PTPRM: variants seen among roughly 807,000 people sequenced by gnomAD.
PTPRM encodes the protein protein tyrosine phosphatase receptor type M.
PTPRM carries 47 observed loss-of-function variants against 186.7 expected under a neutral mutation model. That is an observed-to-expected ratio of 0.25 (90% CI 0.20 to 0.32). PTPRM has a LOEUF of 0.32. PTPRM is among the 10% of genes least tolerant of loss of function. The pLI, the probability that PTPRM is intolerant of heterozygous loss-of-function variation, is 1.00. For missense variants in PTPRM, 1,494 were observed against 1,865.0 expected, an observed-to-expected ratio of 0.80 and a Z score of 3.66; for synonymous variants, 668 against 674.9, an observed-to-expected ratio of 0.99 and a Z score of 0.16.
At chr18:7,826,327 T>C (rs1442334197) in intron 2 of PTPRM, among the ~76,000 whole-genome samples, 2 of 152,250 alleles carry the variant, frequency 1.3e-5, no homozygotes. Flanking sequence ...GCTTTGGGAA[T>C]GTCCCCTATT....
At chr18:7,958,409 A>G (rs867879920) in intron 7 of PTPRM, among the ~76,000 whole-genome samples, 11 of 152,254 alleles carry the variant, frequency 7.2e-5, no homozygotes, top group Middle Eastern at 3.4e-3. Flanking sequence ...AGGATAGGAA[A>G]GGATGTGGAA....
At chr18:7,870,740 G>A (rs1043942683) in intron 2 of PTPRM, among the ~76,000 whole-genome samples, 2 of 151,736 alleles carry the variant, frequency 1.3e-5, no homozygotes, top group African/African-American at 4.8e-5. Context: ...TTTCCTCAAC[G>A]ATTTAAAAAT....
chr18:7,983,596 G>A (rs1327869881), intron 7 of PTPRM, among the ~76,000 whole-genome samples: 2 of 151,566 alleles, frequency 1.3e-5, no homozygotes, highest in African/African-American at 4.8e-5. Context: ...TTTTTCTCTT[G>A]TGCGCTATTG....
intron 1 of PTPRM, among the ~76,000 whole-genome samples, chr18:7,731,121 C>G (rs2040650053): frequency 6.6e-6 from 1 of 152,328 alleles, no homozygotes; most frequent in Middle Eastern, 3.4e-3. Flanking sequence ...TTTTATCTTA[C>G]AGGGTTTGCA....
Position 8,085,738 on chromosome 18 carries a change from C to G in PTPRM, c.1619C>G (p.Ser540Ter). The change falls in exon 10 of 33, where the codon TCA becomes TGA. Residue 540 changes from serine to a stop codon, truncating the protein, a stop_gained. Transcript: ENST00000580170. LOFTEE classifies it high-confidence loss of function. ...TTATCCAATCAGAGTGGAAGAGTTT[C>G]AAAGCTGGGAAATGAAACCCATTTT... The part of the protein sequence containing the change: ...IDLSNQSGRV[S>*]KLGNETHFLF... 1 of 1,612,162 alleles carries G rather than the reference C, an allele frequency of 6.2e-7. No individual in the cohort carries two copies. Among genetic ancestry groups the G allele is most frequent in the Non-Finnish European group, 8.5e-7 (1 of 1,178,390 alleles).
chr18:7,884,581 T>G (rs1324937748), intron 2 of PTPRM, among the ~76,000 whole-genome samples: 1 of 152,102 alleles, frequency 6.6e-6, no homozygotes, highest in Non-Finnish European at 1.5e-5. Context: ...GCCCTGCCCC[T>G]GCACTTGAGA....
At chr18:8,254,718 G>A (rs1012138778) in intron 19 of PTPRM, among the ~76,000 whole-genome samples, 1 of 152,224 alleles carries the variant, frequency 6.6e-6, no homozygotes, top group African/African-American at 2.4e-5. Context: ...ACACTGCATT[G>A]TCTTGGGTTT....
At chr18:8,258,165 G>C (rs1455079452) in intron 19 of PTPRM, among the ~76,000 whole-genome samples, 1 of 152,192 alleles carries the variant, frequency 6.6e-6, no homozygotes, top group East Asian at 1.9e-4. Context: ...AGGAGAAAGA[G>C]CAGAAAGGGC....
intron 14 of PTPRM, among the ~76,000 whole-genome samples, chr18:8,241,196 G>T (rs1054357734): frequency 6.6e-6 from 1 of 152,210 alleles, no homozygotes; most frequent in South Asian, 2.1e-4. Flanking sequence ...AAATTAGCTG[G>T]GTGTGGTGGC....
intron 1 of PTPRM, among the ~76,000 whole-genome samples, chr18:7,612,044 CAT>C (rs1401861648): frequency 6.6e-6 from 1 of 152,144 alleles, no homozygotes; most frequent in African/African-American, 2.4e-5. Context: ...GTCATTGACA[CAT>C]GACTGTAACT....
At chr18:7,596,004 G>A (rs907033141) in intron 1 of PTPRM, among the ~76,000 whole-genome samples, 7 of 152,232 alleles carry the variant, frequency 4.6e-5, no homozygotes, top group Middle Eastern at 3.4e-3. Flanking sequence ...GAAAAAGATC[G>A]AAAAAGTATT....
At chr18:7,688,181 G>A (rs1200804626) in intron 1 of PTPRM, among the ~76,000 whole-genome samples, 3 of 152,176 alleles carry the variant, frequency 2.0e-5, no homozygotes, top group Admixed American at 6.6e-5. Context: ...GCTAGTGTAA[G>A]CTACTTCCCA....
chr18:8,112,763 A>T (rs2091812242), intron 11 of PTPRM, among the ~76,000 whole-genome samples: 1 of 152,182 alleles, frequency 6.6e-6, no homozygotes. Flanking sequence ...GGTACCAGAG[A>T]CCTACTCCTT....
intron 1 of PTPRM, among the ~76,000 whole-genome samples, chr18:7,624,476 T>G (rs1182815699): frequency 6.6e-6 from 1 of 152,102 alleles, no homozygotes; most frequent in East Asian, 1.9e-4. Flanking sequence ...CTTAACCTCT[T>G]TGTGCCTCAG....
chr18:8,019,752 C>T (rs1196551402), intron 7 of PTPRM, among the ~76,000 whole-genome samples: 2 of 147,842 alleles, frequency 1.4e-5, no homozygotes, highest in African/African-American at 4.9e-5. Context: ...AATTTATAAA[C>T]ATTTATTTTT....
At chr18:8,174,761 A>T (rs1435513050) in intron 14 of PTPRM, among the ~76,000 whole-genome samples, 1 of 152,186 alleles carries the variant, frequency 6.6e-6, no homozygotes, top group Non-Finnish European at 1.5e-5. Flanking sequence ...TGCTGCTTTC[A>T]TTCAAAAGAA....
intron 1 of PTPRM, among the ~76,000 whole-genome samples, chr18:7,770,023 T>C (rs577280091): frequency 6.6e-6 from 1 of 152,288 alleles, no homozygotes; most frequent in East Asian, 1.9e-4. Context: ...CTGTGAAACA[T>C]GAATAATTTA....
chr18:7,869,150 T>G (rs2047859974), intron 2 of PTPRM, among the ~76,000 whole-genome samples: 1 of 152,214 alleles, frequency 6.6e-6, no homozygotes, highest in Non-Finnish European at 1.5e-5. Context: ...AGGTGGGATC[T>G]GCTGAGCTAG....
At chr18:7,994,885 A>G (rs1049006098) in intron 7 of PTPRM, among the ~76,000 whole-genome samples, 7 of 152,084 alleles carry the variant, frequency 4.6e-5, no homozygotes, top group Non-Finnish European at 1.0e-4. Flanking sequence ...GATTTCAAAT[A>G]ATCTAATGAT....
Sources: allele counts gnomAD v4.1 joint callset (sites outside exome capture counted in the v4.1 genomes callset), GRCh38; gene constraint gnomAD v4.1.1; transcripts MANE v1.5; gene names NCBI Gene and HGNC (gene_info 2026-07-23, HGNC 2026-07-21).